KCNH7: variants seen among roughly 807,000 people sequenced by gnomAD.
KCNH7 encodes voltage-gated inwardly rectifying potassium channel KCNH7.
KCNH7 carries 49 observed loss-of-function variants against 120.8 expected under a neutral mutation model. That is an observed-to-expected ratio of 0.41 (90% CI 0.32 to 0.51). KCNH7 has a LOEUF of 0.51. Among genes scored for constraint, KCNH7 ranks in the 20% least tolerant of loss-of-function variants. KCNH7 has a pLI of 0.38. For synonymous variants in KCNH7, 547 were observed against 516.1 expected, an observed-to-expected ratio of 1.06 and a Z score of -0.81; for missense variants, 1,097 against 1,446.6, an observed-to-expected ratio of 0.76 and a Z score of 3.92.
intron 9 of KCNH7, 111 bp downstream of exon 9, chr2:162,423,225 A>C: frequency 6.3e-7 from 1 of 1,592,542 alleles, no homozygotes; most frequent in Non-Finnish European, 8.6e-7. Context: ...CACATCCGAG[A>C]GAAGAAAACA....
chr2:162,607,453 G>C (rs1311134823), intron 2 of KCNH7, among the ~76,000 whole-genome samples: 1 of 151,660 alleles, frequency 6.6e-6, no homozygotes, highest in South Asian at 2.1e-4. Flanking sequence ...ATTTGTTGGT[G>C]GTGGGACTAA....
intron 2 of KCNH7, 83 bp from the exon 3 acceptor site, chr2:162,537,163 T>C (rs1379540887): frequency 9.4e-7 from 1 of 1,061,934 alleles, no homozygotes; most frequent in East Asian, 2.5e-5. Context: ...AAATATACTC[T>C]TAAGGAAATT....
chr2:162,449,771 GAC>G (rs1328297949), intron 6 of KCNH7, among the ~76,000 whole-genome samples: 2 of 152,038 alleles, frequency 1.3e-5, no homozygotes, highest in Non-Finnish European at 2.9e-5. Context: ...CAGACTTCTA[GAC>G]CACAGAATTG....
At chr2:162,812,207 A>T (rs2105570652) in intron 2 of KCNH7, among the ~76,000 whole-genome samples, 1 of 152,282 alleles carries the variant, frequency 6.6e-6, no homozygotes, top group Non-Finnish European at 1.5e-5. Flanking sequence ...ACAGCAGAGA[A>T]TTTAGACAGG....
At chr2:162,552,455 A>G (rs2105860302) in intron 2 of KCNH7, among the ~76,000 whole-genome samples, 1 of 152,358 alleles carries the variant, frequency 6.6e-6, no homozygotes, top group Admixed American at 6.5e-5. Context: ...GCTAGCAATC[A>G]CTAACAGTAT....
intron 2 of KCNH7, among the ~76,000 whole-genome samples, chr2:162,745,047 T>C (rs1452786778): frequency 1.3e-5 from 2 of 152,218 alleles, no homozygotes; most frequent in Non-Finnish European, 2.9e-5. Context: ...ATCTACCTAC[T>C]GATATTCAGG....
At chr2:162,712,109 G>A (rs1686949965) in intron 2 of KCNH7, among the ~76,000 whole-genome samples, 1 of 152,146 alleles carries the variant, frequency 6.6e-6, no homozygotes, top group African/African-American at 2.4e-5. Context: ...GGCACTTAAA[G>A]TGACTAAATT....
chr2:162,511,824 C>T (rs370695362), intron 5 of KCNH7, among the ~76,000 whole-genome samples: 10 of 151,700 alleles, frequency 6.6e-5, no homozygotes, highest in East Asian at 2.0e-4. Context: ...CTGGTGGAGA[C>T]GTGTTCATGC....
chr2:162,665,758 A>G (rs531091983), intron 2 of KCNH7, among the ~76,000 whole-genome samples: 6 of 152,124 alleles, frequency 3.9e-5, no homozygotes, highest in Non-Finnish European at 8.8e-5. Context: ...CATGGATCCT[A>G]TGCCCTGATT....
chr2:162,788,036 TCAAA>T (rs1683777541), intron 2 of KCNH7, among the ~76,000 whole-genome samples: 1 of 152,076 alleles, frequency 6.6e-6, no homozygotes, highest in African/African-American at 2.4e-5. Context: ...CCCTAATTCT[TCAAA>T]TGATAAGATA....
intron 2 of KCNH7, among the ~76,000 whole-genome samples, chr2:162,730,094 A>G (rs548899571): frequency 6.2e-4 from 95 of 152,006 alleles, no homozygotes; most frequent in African/African-American, 2.2e-3. Context: ...AAAAAAAAGA[A>G]TGGTTTAAAC....
At chr2:162,596,113 G>T (rs866123298) in intron 2 of KCNH7, among the ~76,000 whole-genome samples, 1 of 152,016 alleles carries the variant, frequency 6.6e-6, no homozygotes, top group South Asian at 2.1e-4. Context: ...AATTAATATT[G>T]TTAAAATGTC....
chr2:162,732,002 G>A (rs1687746116), intron 2 of KCNH7, among the ~76,000 whole-genome samples: 1 of 152,136 alleles, frequency 6.6e-6, no homozygotes, highest in South Asian at 2.1e-4. Context: ...TCAGCTAAAT[G>A]GCAAAGTAAG....
At chr2:162,542,665 G>T (rs966713473) in intron 2 of KCNH7, among the ~76,000 whole-genome samples, 5 of 152,038 alleles carry the variant, frequency 3.3e-5, no homozygotes, top group Admixed American at 3.3e-4. Flanking sequence ...GGACATTTGG[G>T]TTGGTTCCAA....
intron 2 of KCNH7, among the ~76,000 whole-genome samples, chr2:162,604,681 T>C (rs948696247): frequency 6.6e-6 from 1 of 152,148 alleles, no homozygotes; most frequent in Admixed American, 6.6e-5. Flanking sequence ...GAAGAGCTAA[T>C]CTGGAGGTCT....
chr2:162,824,547 C>G (rs933956843), intron 2 of KCNH7, among the ~76,000 whole-genome samples: 3 of 152,026 alleles, frequency 2.0e-5, no homozygotes, highest in Admixed American at 1.3e-4. Context: ...ATCAGATTAC[C>G]AGAGCTCTGC....
intron 6 of KCNH7, among the ~76,000 whole-genome samples, chr2:162,491,880 G>GA (rs1352287862): frequency 6.6e-6 from 1 of 152,086 alleles, no homozygotes; most frequent in African/African-American, 2.4e-5. Context: ...TTCCTTTGGG[G>GA]AAAAAAAGCC....
chr2:162,799,836 G>A (rs927209566), intron 2 of KCNH7, among the ~76,000 whole-genome samples: 8 of 151,744 alleles, frequency 5.3e-5, no homozygotes, highest in Middle Eastern at 3.2e-3. Flanking sequence ...AAAGTCCAGG[G>A]CATCATGAAT....
At chr2:162,506,847 T>C (rs1690899780) in intron 5 of KCNH7, among the ~76,000 whole-genome samples, 1 of 151,818 alleles carries the variant, frequency 6.6e-6, no homozygotes, top group Non-Finnish European at 1.5e-5. Flanking sequence ...AGTATTTCAT[T>C]CTAGGGGAGA....
Sources: gnomAD v4.1 joint callset for allele counts (sites outside exome capture counted in the v4.1 genomes callset) on GRCh38, gnomAD v4.1.1 for gene constraint, MANE v1.5 for transcripts, NCBI Gene and HGNC (gene_info 2026-07-23, HGNC 2026-07-21) for gene names.